Variants in SNX29 observed in about 807,000 individuals in gnomAD.
SNX29 encodes sorting nexin-29.
SNX29 carries 78 observed loss-of-function variants against 102.1 expected under a neutral mutation model. That is an observed-to-expected ratio of 0.76 (90% CI 0.64 to 0.92). The LOEUF is 0.92. Ranked by LOEUF, SNX29 falls within the 40% of genes least tolerant of loss-of-function variation. SNX29 has a pLI of 0.00. For synonymous variants in SNX29, 580 were observed against 414.5 expected, an observed-to-expected ratio of 1.40 and a Z score of -4.85; for missense variants, 1,280 against 1,061.7, an observed-to-expected ratio of 1.21 and a Z score of -2.86.
At chr16:12,497,976 G>A (rs2088915832) in intron 19 of SNX29, among the ~76,000 whole-genome samples, 1 of 152,204 alleles carries the variant, frequency 6.6e-6, no homozygotes, top group Non-Finnish European at 1.5e-5. Flanking sequence ...AGGAAAGGCT[G>A]TAGCACTGTC....
At chr16:12,003,556 A>G (rs113282261) in intron 3 of SNX29, among the ~76,000 whole-genome samples, 1,639 of 152,338 alleles carry the variant, frequency 0.011, 33 homozygotes, top group African/African-American at 0.037. Context: ...TTCTATGCGT[A>G]TGGAGTGGTC....
intron 15 of SNX29, among the ~76,000 whole-genome samples, chr16:12,319,342 AAGTT>A (rs2080854198): frequency 6.6e-6 from 1 of 152,044 alleles, no homozygotes; most frequent in African/African-American, 2.4e-5. Context: ...CAAAAGTAAA[AAGTT>A]AGTTGGGCAT....
chr16:12,251,327 T>G (rs7195058), intron 14 of SNX29, among the ~76,000 whole-genome samples: 99,254 of 152,124 alleles, frequency 0.65, 33,438 homozygotes, highest in African/African-American at 0.82. Flanking sequence ...CGCCATTATG[T>G]TCATTAATAT....
Position 12,572,769 on chromosome 16 carries a change from A to G in SNX29, c.*4140A>G, listed in dbSNP as rs748341624. On this transcript the variant is annotated 3_prime_UTR_variant, in exon 21 of 21. Transcript: ENST00000566228. ...GGTTTTCAGCTTCTGGGACCCGAGG[A>G]AGACCCCACCTCACTCCTCCTTCCC... is the stretch of plus-strand genomic sequence containing the variant. 1 of 1,063,974 alleles carries G rather than the reference A, an allele frequency of 9.4e-7. No homozygotes were observed. The highest frequency in any genetic ancestry group is 1.1e-6 in the Non-Finnish European group (1 of 878,410). 65.9% of individuals were successfully genotyped at this position (1,063,974 alleles called of 1,614,324 possible).
At chr16:12,143,316 A>C (rs550123329) in intron 13 of SNX29, among the ~76,000 whole-genome samples, 13 of 152,246 alleles carry the variant, frequency 8.5e-5, no homozygotes, top group African/African-American at 2.9e-4. Flanking sequence ...CAAAGATTTT[A>C]ACCTTCAGTC....
At chr16:12,046,662 C>G (rs1468067800) in intron 6 of SNX29, among the ~76,000 whole-genome samples, 7 of 152,186 alleles carry the variant, frequency 4.6e-5, no homozygotes, top group Admixed American at 4.6e-4. Flanking sequence ...CTCTGTTGCC[C>G]AGGCTGGAGT....
At chr16:12,513,329 G>T (rs1217576211) in intron 19 of SNX29, among the ~76,000 whole-genome samples, 2 of 117,828 alleles carry the variant, frequency 1.7e-5, no homozygotes, top group Admixed American at 8.9e-5. Context: ...CCCTTCCCCT[G>T]CCTGCCCTGC....
chr16:12,371,176 A>G (rs114734748), intron 16 of SNX29, among the ~76,000 whole-genome samples: 2 of 152,316 alleles, frequency 1.3e-5, no homozygotes, highest in African/African-American at 4.8e-5. Flanking sequence ...GGCGTTGGGG[A>G]TCAGCCAAGG....
chr16:12,132,660 G>A (rs767372095), intron 13 of SNX29, among the ~76,000 whole-genome samples: 1 of 152,190 alleles, frequency 6.6e-6, no homozygotes, highest in Non-Finnish European at 1.5e-5. Flanking sequence ...CATGACAATT[G>A]TTGGGAAAAT....
At chr16:12,563,707 A>G (rs75399027) in intron 20 of SNX29, among the ~76,000 whole-genome samples, 8 of 152,208 alleles carry the variant, frequency 5.3e-5, no homozygotes, top group Non-Finnish European at 1.2e-4. Flanking sequence ...TAAGAGGAAC[A>G]TGAGGAAAGC....
intron 16 of SNX29, among the ~76,000 whole-genome samples, chr16:12,359,115 G>A (rs989698076): frequency 6.6e-6 from 1 of 152,194 alleles, no homozygotes; most frequent in African/African-American, 2.4e-5. Flanking sequence ...AGAAGTGAGG[G>A]GCGGTCTTGT....
At chr16:12,063,470 G>T (rs896164480) in intron 9 of SNX29, among the ~76,000 whole-genome samples, 16 of 145,322 alleles carry the variant, frequency 1.1e-4, no homozygotes, top group Non-Finnish European at 1.9e-4. Flanking sequence ...CGCCTTCTGG[G>T]TTCAAGTGAT....
In SNX29 at chr16:12,129,674, C is replaced by G; in HGVS notation, c.1511C>G (p.Ala504Gly). The G allele has an allele frequency of 6.2e-7, 1 of 1,611,218 alleles. No homozygotes were observed. The highest frequency in any genetic ancestry group is 8.5e-7 in the Non-Finnish European group (1 of 1,179,574). The change falls in exon 13 of 21, where the codon GCG becomes GGG. Residue 504 changes from alanine (A) to glycine (G), a missense_variant. Transcript: ENST00000566228. ...LLDGEMEHSA[A>G]LRQEVDTLKR... ...GACGGTGAGATGGAGCACTCAGCCG[C>G]GCTCCGGCAAGAGGTGGACACCTTG... is the stretch of plus-strand genomic sequence containing the variant.
chr16:12,229,689 T>A (rs937448968), intron 14 of SNX29, among the ~76,000 whole-genome samples: 6 of 152,156 alleles, frequency 3.9e-5, no homozygotes, highest in Non-Finnish European at 7.4e-5. Flanking sequence ...TCAAAGGGAT[T>A]TACCTAACAA....
intron 18 of SNX29, among the ~76,000 whole-genome samples, chr16:12,424,502 T>G (rs1352511857): frequency 6.6e-6 from 1 of 152,116 alleles, no homozygotes; most frequent in African/African-American, 2.4e-5. Flanking sequence ...GCAACCTGCT[T>G]TGAGAGAGCT....
chr16:12,410,452 T>C (rs1392145745), intron 18 of SNX29, among the ~76,000 whole-genome samples: 2 of 152,174 alleles, frequency 1.3e-5, no homozygotes, highest in Non-Finnish European at 2.9e-5. Context: ...TGGTTATTAT[T>C]ATTACTTTGT....
At chr16:12,442,831 C>T (rs889777140) in intron 18 of SNX29, among the ~76,000 whole-genome samples, 1 of 152,136 alleles carries the variant, frequency 6.6e-6, no homozygotes. Flanking sequence ...TGGGCTCAAG[C>T]CGTCCTCCCA....
chr16:12,002,985 G>C lies in SNX29; in HGVS notation c.70-6G>C, dbSNP rs759816542. Reference sequence around the variant, plus strand: ...GCTGATCTCAGCAGCTTCTTTTTCTGTGCAGTGCCAGATCCGCTTTGGAGG... The same window carrying C: ...GCTGATCTCAGCAGCTTCTTTTTCTCTGCAGTGCCAGATCCGCTTTGGAGG... On this transcript the variant is annotated splice_polypyrimidine_tract_variant and splice_region_variant and intron_variant, in intron 2 of 20. Coordinates refer to ENST00000566228, the MANE Select transcript of SNX29 (RefSeq NM_032167.5). 1 of 1,614,172 alleles carries C rather than the reference G, an allele frequency of 6.2e-7. No individual in the cohort carries two copies. Among genetic ancestry groups the C allele is most frequent in the Non-Finnish European group, 8.5e-7 (1 of 1,180,024 alleles).
intron 19 of SNX29, among the ~76,000 whole-genome samples, chr16:12,510,160 G>A (rs954137227): frequency 2.0e-5 from 3 of 152,182 alleles, no homozygotes; most frequent in Middle Eastern, 3.2e-3. Context: ...CGCCCAGGAC[G>A]AGAATTCCTC....
Sources: allele counts gnomAD v4.1 joint callset (sites outside exome capture counted in the v4.1 genomes callset), GRCh38; gene constraint gnomAD v4.1.1; transcripts MANE v1.5; gene names NCBI Gene and HGNC (gene_info 2026-07-23, HGNC 2026-07-21).